Variants in GALNT17 observed in about 807,000 individuals in gnomAD.
The protein encoded by GALNT17 is polypeptide N-acetylgalactosaminyltransferase 17, also known as UDP-GalNAc:polypeptide N-acetylgalactosaminyltransferase-like 3.
A neutral mutation model predicts 63.7 loss-of-function variants in GALNT17; 29 were observed. That is an observed-to-expected ratio of 0.46 (90% confidence interval 0.34 to 0.62). The LOEUF is 0.62. Among genes scored for constraint, GALNT17 ranks in the 20% least tolerant of loss-of-function variants. GALNT17 has a pLI of 0.01. For missense variants in GALNT17, 603 were observed against 799.6 expected, an observed-to-expected ratio of 0.75 and a Z score of 2.97; for synonymous variants, 305 against 318.3, an observed-to-expected ratio of 0.96 and a Z score of 0.45.
chr7:71,650,479 C>A (rs1335314310), intron 6 of GALNT17, among the ~76,000 whole-genome samples: 1 of 152,146 alleles, frequency 6.6e-6, no homozygotes, highest in Non-Finnish European at 1.5e-5. Context: ...AAACTCCTAG[C>A]CTCCCAAAGT....
At chr7:71,637,419 G>T (rs2117000595) in intron 6 of GALNT17, among the ~76,000 whole-genome samples, 1 of 151,760 alleles carries the variant, frequency 6.6e-6, no homozygotes, top group Non-Finnish European at 1.5e-5. Context: ...TTGATCTCCT[G>T]ACCTCGTGAT....
rs561228987 is a variant in GALNT17, at chr7:71,701,687, G to A, written c.1501-9074G>A. Reference sequence around the variant, plus strand: ...AAATTCATGGAATTAACCTAAGTGCGCATCAAGAGTGGATGGGATAAAGAA... The same window carrying A: ...AAATTCATGGAATTAACCTAAGTGCACATCAAGAGTGGATGGGATAAAGAA... On this transcript the variant is annotated intron_variant, in intron 9 of 10. Transcript: ENST00000333538. Among the ~76,000 whole-genome samples the A allele has an allele frequency of 9.8e-4, 147 of 149,906 alleles. 2 individuals are homozygous for A. The South Asian group carries it at 0.014, about 14-fold the overall frequency.
intron 9 of GALNT17, among the ~76,000 whole-genome samples, chr7:71,701,574 T>A (rs1326221580): frequency 6.6e-6 from 1 of 151,474 alleles, no homozygotes. Flanking sequence ...GAGGAGGCAC[T>A]CCTGGGTATC....
At chr7:71,444,009 G>A (rs995875214) in intron 5 of GALNT17, among the ~76,000 whole-genome samples, 8 of 152,182 alleles carry the variant, frequency 5.3e-5, no homozygotes, top group Non-Finnish European at 1.2e-4. Flanking sequence ...TTACAGGTGT[G>A]AGGCACCCCG....
At chr7:71,379,755 C>T (rs1316929168) in intron 2 of GALNT17, among the ~76,000 whole-genome samples, 1 of 151,988 alleles carries the variant, frequency 6.6e-6, no homozygotes, top group Non-Finnish European at 1.5e-5. Context: ...TTTATGAGCG[C>T]TCCACGTGGA....
intron 2 of GALNT17, among the ~76,000 whole-genome samples, chr7:71,354,120 G>A (rs1792239190): frequency 6.6e-6 from 1 of 152,158 alleles, no homozygotes; most frequent in Admixed American, 6.5e-5. Context: ...CTACCCCCAT[G>A]ATCCAGTCAC....
At chr7:71,568,253 A>G (rs1196858616) in intron 5 of GALNT17, among the ~76,000 whole-genome samples, 2 of 152,110 alleles carry the variant, frequency 1.3e-5, no homozygotes, top group Non-Finnish European at 2.9e-5. Context: ...CTATTCTGTG[A>G]CTCAGGGCAG....
intron 5 of GALNT17, among the ~76,000 whole-genome samples, chr7:71,570,243 G>A (rs1338451483): frequency 1.3e-5 from 2 of 151,966 alleles, no homozygotes; most frequent in African/African-American, 4.8e-5. Flanking sequence ...TACTCTACAC[G>A]TGCTCTCTTT....
At chr7:71,537,343 C>T (rs778720014) in intron 5 of GALNT17, among the ~76,000 whole-genome samples, 1 of 152,140 alleles carries the variant, frequency 6.6e-6, no homozygotes, top group Non-Finnish European at 1.5e-5. Context: ...TGTTCACATC[C>T]TGATTCCCAA....
intron 5 of GALNT17, among the ~76,000 whole-genome samples, chr7:71,493,251 G>A (rs7802297): frequency 0.98 from 149,187 of 152,220 alleles, 73,172 homozygotes; most frequent in East Asian, 1. Flanking sequence ...TCTACCCAGC[G>A]TGGTTCTGCC....
chr7:71,205,167 T>G lies in GALNT17; in HGVS notation c.238+72127T>G, dbSNP rs1213497420. Among the ~76,000 whole-genome samples the G allele has an allele frequency of 2.1e-5, 3 of 146,112 alleles. No homozygotes were observed. In the East Asian group the frequency reaches 5.9e-4, roughly 29 times the overall value. On this transcript the variant is annotated intron_variant, in intron 1 of 10. Coordinates refer to ENST00000333538, the MANE Select transcript of GALNT17 (RefSeq NM_022479.3). ...TTACTTTTTACTTTTTTTTTTTTTT[T>G]TTTTTGAGACAGAGTCTCGCTCTGT... is the stretch of plus-strand genomic sequence containing the variant.
chr7:71,293,282 T>A (rs1330497120), intron 1 of GALNT17, among the ~76,000 whole-genome samples: 1 of 152,216 alleles, frequency 6.6e-6, no homozygotes, highest in Non-Finnish European at 1.5e-5. Flanking sequence ...ACCACTATAC[T>A]GTTTTCCATG....
intron 6 of GALNT17, among the ~76,000 whole-genome samples, chr7:71,632,203 C>T (rs929530022): frequency 1.1e-4 from 16 of 152,312 alleles, no homozygotes; most frequent in East Asian, 1.9e-4. Flanking sequence ...GCCTTGTGTC[C>T]GGCCAAGCTT....
intron 1 of GALNT17, among the ~76,000 whole-genome samples, chr7:71,330,145 T>C (rs1423240710): frequency 6.6e-6 from 1 of 151,938 alleles, no homozygotes; most frequent in African/African-American, 2.4e-5. Flanking sequence ...CACAAGTAGC[T>C]GGGACTACAG....
chr7:71,560,452 A>T (rs1203770612), intron 5 of GALNT17, among the ~76,000 whole-genome samples: 1 of 152,154 alleles, frequency 6.6e-6, no homozygotes, highest in African/African-American at 2.4e-5. Flanking sequence ...ATCACTTGTC[A>T]CAAGGAAGGA....
In GALNT17 at chr7:71,530,844, A is replaced by G. The variant is rs188103181; in HGVS notation, c.963-40441A>G. 8.3e-4 allele frequency among the ~76,000 whole-genome samples: 126 copies of G among 152,270 alleles called. 1 individual carries two copies. The East Asian group carries it at 0.024, about 29-fold the overall frequency. On this transcript the variant is annotated intron_variant, in intron 5 of 10. Transcript: ENST00000333538. ...CGGCCTCCCAAAGCGCTGGGATTAC[A>G]GGCGTGAGCCACCATGCCCGGCCAA... is the stretch of plus-strand genomic sequence containing the variant.
chr7:71,225,697 T>G lies in GALNT17; in HGVS notation c.238+92657T>G, dbSNP rs773944566. On this transcript the variant is annotated intron_variant, in intron 1 of 10. Coordinates refer to ENST00000333538, the MANE Select transcript of GALNT17 (RefSeq NM_022479.3). ...CTCAAGGAAATAAGCAGACAAGTAT[T>G]TATACACAAGGAAGGTATAAGCCAG... Among the ~76,000 whole-genome samples, 5 of 152,358 alleles carry G rather than the reference T, an allele frequency of 3.3e-5. No individual in the cohort carries two copies. The South Asian group carries it at 1.0e-3, about 32-fold the overall frequency.
chr7:71,432,744 G>T (rs1167486486), intron 5 of GALNT17, among the ~76,000 whole-genome samples: 1 of 152,202 alleles, frequency 6.6e-6, no homozygotes. Context: ...AAGGCAGGAA[G>T]ATCACTTGAA....
rs114989447 is a variant in GALNT17 at position 71,466,073 on chromosome 7, G to A, written c.962+44968G>A. ...AGATTCTTTACAGATGCAAATTTCC[G>A]CCACAAAAGATAGCTTTGCAAGGCC... On this transcript the variant is annotated intron_variant, in intron 5 of 10. Transcript: ENST00000333538. Among the ~76,000 whole-genome samples, 488 of 152,266 alleles carry A rather than the reference G, an allele frequency of 3.2e-3. 5 individuals are homozygous for A. Among genetic ancestry groups the A allele is most frequent in the African/African-American group, 0.011 (477 of 41,564 alleles).
Sources: gnomAD v4.1 joint callset for allele counts (sites outside exome capture counted in the v4.1 genomes callset) on GRCh38, gnomAD v4.1.1 for gene constraint, MANE v1.5 for transcripts, NCBI Gene and HGNC (gene_info 2026-07-23, HGNC 2026-07-21) for gene names.